PLEKHG4B: variants seen among roughly 807,000 people sequenced by gnomAD.
PLEKHG4B encodes the protein pleckstrin homology domain-containing family G member 4B.
A neutral mutation model predicts 121.3 loss-of-function variants in PLEKHG4B; 111 were observed. The ratio of observed to expected loss-of-function variants is 0.92; its 90% CI spans 0.78 to 1.07. The LOEUF (loss-of-function observed/expected upper bound fraction) is 1.07, where lower values mean the gene tolerates loss of function less well. PLEKHG4B is among the 50% of genes least tolerant of loss of function. The pLI is 0.00. For missense variants in PLEKHG4B, 1,831 were observed against 1,757.8 expected (o/e 1.04, Z -0.74); for synonymous variants, 738 against 725.0 (o/e 1.02, Z -0.29).
chr5:126,056 T>C (rs1279859217), intron 2 of PLEKHG4B, among the ~76,000 whole-genome samples: 1 of 152,246 alleles, frequency 6.6e-6, no homozygotes, highest in South Asian at 2.1e-4. Flanking sequence ...AAAGCTGGAT[T>C]ATAATGTGTT....
chr5:110,855 G>A (rs1340200271), intron 1 of PLEKHG4B, among the ~76,000 whole-genome samples: 1 of 152,274 alleles, frequency 6.6e-6, no homozygotes, highest in Non-Finnish European at 1.5e-5. Flanking sequence ...TTTGAAGTCA[G>A]CACACGTTTG....
intron 1 of PLEKHG4B, among the ~76,000 whole-genome samples, chr5:93,979 G>A (rs1191161512): frequency 1.3e-5 from 2 of 152,146 alleles, no homozygotes; most frequent in Admixed American, 6.5e-5. Context: ...CAAACAGAAT[G>A]AGTTTGTCCT....
intron 1 of PLEKHG4B, among the ~76,000 whole-genome samples, chr5:107,556 A>G (rs1241368687): frequency 1.3e-5 from 2 of 152,212 alleles, no homozygotes; most frequent in East Asian, 3.8e-4. Flanking sequence ...TGCTGCTCAG[A>G]TGCCTCTTCT....
intron 1 of PLEKHG4B, among the ~76,000 whole-genome samples, chr5:101,716 A>G (rs1328287464): frequency 2.2e-5 from 3 of 135,586 alleles, no homozygotes; most frequent in Non-Finnish European, 1.6e-5. Context: ...AAGCCCTGGA[A>G]AAAGCCTGTA....
intron 18 of PLEKHG4B, among the ~76,000 whole-genome samples, chr5:177,813 C>A (rs931620813): frequency 1.3e-5 from 2 of 152,176 alleles, no homozygotes; most frequent in African/African-American, 4.8e-5. Flanking sequence ...CAGTGCGCAC[C>A]TTTCCCTTGG....
At chr5:155,908 C>T (rs1426722009) in intron 9 of PLEKHG4B, among the ~76,000 whole-genome samples, 163 bp from the exon 10 acceptor site, 3 of 151,972 alleles carry the variant, frequency 2.0e-5, no homozygotes, top group Non-Finnish European at 4.4e-5. Context: ...GGCCCACCCT[C>T]CCTGGGACAG....
intron 2 of PLEKHG4B, among the ~76,000 whole-genome samples, chr5:128,613 C>G (rs566927004): frequency 6.2e-4 from 95 of 152,332 alleles, no homozygotes; most frequent in Non-Finnish European, 2.2e-4. Flanking sequence ...GGGCCAAGAG[C>G]TGAAATTGAC....
chr5:168,779 G>A (rs538388260), intron 13 of PLEKHG4B, among the ~76,000 whole-genome samples: 13 of 152,192 alleles, frequency 8.5e-5, no homozygotes, highest in South Asian at 8.3e-4. Context: ...TATCAAGAGA[G>A]CAGCTCCAGG....
In PLEKHG4B at chr5:186,920, C is replaced by T. The variant is rs1733643593; in HGVS notation, c.*4597C>T. ...CCTCCCCCACCTCAGTACTGGGACC[C>T]CCAGGAAGGGTGTGTGGCCCCACCA... On this transcript the variant is annotated 3_prime_UTR_variant, in exon 20 of 20. Coordinates refer to ENST00000637938, the MANE Select transcript of PLEKHG4B (RefSeq NM_052909.5). 6.6e-6 allele frequency: 1 copy of T among 152,464 alleles called. No individual in the cohort carries two copies. The highest frequency in any genetic ancestry group is 2.1e-4 in the South Asian group (1 of 4,830). The allele number at this position is 152,464 out of a possible 1,614,324, so 9.4% of individuals were successfully genotyped here. A position where few individuals can be genotyped will look rare whatever the true frequency, so the allele number is the denominator to read the frequency against.
chr5:102,920 C>T (rs915084886), intron 1 of PLEKHG4B, among the ~76,000 whole-genome samples: 5 of 152,098 alleles, frequency 3.3e-5, no homozygotes, highest in Admixed American at 2.0e-4. Flanking sequence ...GTCTGACCCT[C>T]GGGTCTTGGA....
intron 14 of PLEKHG4B, among the ~76,000 whole-genome samples, 181 bp from the exon 15 acceptor site, chr5:170,862 G>A (rs926373034): frequency 6.6e-6 from 1 of 152,150 alleles, no homozygotes; most frequent in Non-Finnish European, 1.5e-5. Context: ...GAGCCCTGGT[G>A]TTGGGGATAC....
intron 2 of PLEKHG4B, among the ~76,000 whole-genome samples, chr5:123,343 T>C (rs1216000959): frequency 6.6e-6 from 1 of 152,164 alleles, no homozygotes; most frequent in African/African-American, 2.4e-5. Flanking sequence ...CCATAAGGGA[T>C]ATTAGTCTAT....
chr5:95,121 C>A (rs778064014), intron 1 of PLEKHG4B, among the ~76,000 whole-genome samples: 1 of 152,186 alleles, frequency 6.6e-6, no homozygotes, highest in Non-Finnish European at 1.5e-5. Flanking sequence ...TTTGATTGAT[C>A]TTACAAAATT....
At chr5:162,421 C>T (rs1190723103) in intron 12 of PLEKHG4B, among the ~76,000 whole-genome samples, 1 of 152,246 alleles carries the variant, frequency 6.6e-6, no homozygotes, top group Non-Finnish European at 1.5e-5. Flanking sequence ...TCTGCCCCGT[C>T]ACGCCTCTCT....
In PLEKHG4B at chr5:162,828, C is replaced by A. The variant is rs779828564; in HGVS notation, c.2756C>A (p.Ala919Asp). The A allele has an allele frequency of 1.3e-6, 2 of 1,512,528 alleles. No homozygotes were observed. The highest frequency in any genetic ancestry group is 2.2e-5 in the Admixed American group (1 of 45,340). 93.7% of individuals were successfully genotyped at this position (1,512,528 alleles called of 1,614,324 possible). Residue 919 changes from alanine (A) to aspartate (D), a missense_variant, in exon 13 of 20, where the codon GCC becomes GAC. By Grantham distance (126) the Ala-to-Asp change is moderately radical (BLOSUM62 -2). Coordinates refer to ENST00000637938, the MANE Select transcript of PLEKHG4B (RefSeq NM_052909.5). ...HQEATSVAAE[A>D]FPGAGVAVLK... is the part of the protein sequence containing the mutation. ...GAGGCTACCTCGGTGGCTGCAGAGG[C>A]CTTCCCCGGGGCAGGTGTGGCAGTG... is the stretch of plus-strand genomic sequence containing the variant.
chr5:97,223 C>G (rs1733654794), intron 1 of PLEKHG4B, among the ~76,000 whole-genome samples: 1 of 152,132 alleles, frequency 6.6e-6, no homozygotes, highest in Non-Finnish European at 1.5e-5. Flanking sequence ...AAACCCCTTA[C>G]CTGCCATTCA....
chr5:179,795 T>G (rs1196907124), intron 18 of PLEKHG4B: 1 of 152,366 alleles, frequency 6.6e-6, no homozygotes, highest in Non-Finnish European at 1.5e-5. Context: ...TCGTGTGATT[T>G]CTATGTTTCG....
chr5:184,751 G>T lies in PLEKHG4B; in HGVS notation c.*2428G>T, dbSNP rs1166757687. 6.6e-6 allele frequency: 1 copy of T among 152,182 alleles called. No homozygotes were observed. The highest frequency in any genetic ancestry group is 2.4e-5 in the African/African-American group (1 of 41,424). The allele number at this position is 152,182 out of a possible 1,614,324, so 9.4% of individuals were successfully genotyped here. Reference sequence around the variant, plus strand: ...AAGATGAGTGGCTTGGCCGGGTGCGGTGGCTCATGTCTCTAATCCCAGCAC... The same window carrying T: ...AAGATGAGTGGCTTGGCCGGGTGCGTTGGCTCATGTCTCTAATCCCAGCAC... On this transcript the variant is annotated 3_prime_UTR_variant, in exon 20 of 20. Transcript: ENST00000637938.
chr5:182,361 A>G lies in PLEKHG4B; in HGVS notation c.*38A>G, dbSNP rs1206690484. 6.5e-7 allele frequency: 1 copy of G among 1,541,780 alleles called. No individual in the cohort carries two copies. On this transcript the variant is annotated 3_prime_UTR_variant, in exon 20 of 20. Transcript: ENST00000637938. The stretch of plus-strand genomic sequence containing the variant: ...TGGCAGTGCCCATCATGTGGCTAGA[A>G]CAATACAGAGGGAGCAGCACGCCAG...
Sources: allele counts gnomAD v4.1 joint callset (sites outside exome capture counted in the v4.1 genomes callset), GRCh38; gene constraint gnomAD v4.1.1; transcripts MANE v1.5; gene names NCBI Gene and HGNC (gene_info 2026-07-23, HGNC 2026-07-21).